The following PRKG1 variants were observed in gnomAD, a reference collection of about 807,000 sequenced individuals.
The protein encoded by PRKG1 is protein kinase cGMP-dependent 1, also known as cGMP-dependent protein kinase 1.
A neutral mutation model predicts 88.1 loss-of-function variants in PRKG1; 35 were observed. The ratio of observed to expected loss-of-function variants is 0.40; its 90% CI spans 0.30 to 0.53. The LOEUF (loss-of-function observed/expected upper bound fraction) is 0.53. Ranked by LOEUF, PRKG1 falls within the 20% of genes least tolerant of loss-of-function variation. The pLI, the probability that PRKG1 is intolerant of heterozygous loss-of-function variation, is 0.59. For missense variants in PRKG1, 540 were observed against 839.8 expected (o/e 0.64, Z 4.41); for synonymous variants, 303 against 292.5 (o/e 1.04, Z -0.37).
Position 52,290,310 on chromosome 10 carries a change from T to A in PRKG1, c.1962+20T>A, listed in dbSNP as rs1296857502. ...CCAAGTGTAAGTAGACTTTCCAGCTTATAATTGTGTGACATAATTGATGGT... is the reference window on the plus strand; with the variant it reads ...CCAAGTGTAAGTAGACTTTCCAGCTAATAATTGTGTGACATAATTGATGGT... On this transcript the variant is annotated intron_variant, in intron 17 of 17. Coordinates refer to ENST00000373980, the MANE Select transcript of PRKG1 (RefSeq NM_006258.4). 6.4e-7 allele frequency: 1 copy of A among 1,573,722 alleles called. No individual in the cohort carries two copies. The highest frequency in any genetic ancestry group is 8.7e-7 in the Non-Finnish European group (1 of 1,147,566).
At chr10:51,583,001 G>T (rs1198767430) in intron 3 of PRKG1, among the ~76,000 whole-genome samples, 1 of 152,032 alleles carries the variant, frequency 6.6e-6, no homozygotes, top group Non-Finnish European at 1.5e-5. Flanking sequence ...GATGTAGCTG[G>T]CAAGACTTAT....
intron 2 of PRKG1, among the ~76,000 whole-genome samples, chr10:51,318,114 A>T (rs1036302928): frequency 7.2e-5 from 11 of 152,138 alleles, no homozygotes; most frequent in Non-Finnish European, 2.9e-5. Context: ...CTCTTTGGAG[A>T]CAGAAATTAC....
chr10:51,740,577 G>A (rs1358339783), intron 3 of PRKG1, among the ~76,000 whole-genome samples: 2 of 152,056 alleles, frequency 1.3e-5, no homozygotes, highest in East Asian at 3.9e-4. Flanking sequence ...TCTTTCTGTT[G>A]TGATATCGTG....
rs937723836 is a variant in PRKG1 at position 51,804,612 on chromosome 10, T to C, written c.620T>C (p.Ile207Thr). The stretch of plus-strand genomic sequence containing the variant: ...CTTGTAAATGTAAAACTCTGGGCCA[T>C]TGATCGACAATGTTTTCAAACAATA... ...KTLVNVKLWA[I>T]DRQCFQTIMM... Residue 207 changes from isoleucine (I) to threonine (T), a missense_variant, in exon 4 of 18, where the codon ATT (isoleucine) becomes ACT (threonine). Coordinates refer to ENST00000373980, the MANE Select transcript of PRKG1 (RefSeq NM_006258.4). 6 of 1,601,346 alleles carry C rather than the reference T, an allele frequency of 3.7e-6. No individual in the cohort carries two copies. In the Admixed American group the frequency reaches 5.0e-5, roughly 13 times the overall value.
rs999214785 is a variant in PRKG1 at position 52,294,190 on chromosome 10, C to G, written c.*290C>G. On this transcript the variant is annotated 3_prime_UTR_variant, in exon 18 of 18. Transcript: ENST00000373980. Reference sequence around the variant, plus strand: ...ATTGTTGCAATGACCTTGCTTTGCTCTGATTATAATTTGAAAGACTGTAGG... The same window carrying G: ...ATTGTTGCAATGACCTTGCTTTGCTGTGATTATAATTTGAAAGACTGTAGG... The G allele has an allele frequency of 1.1e-5, 3 of 282,054 alleles. No homozygotes were observed. The highest frequency in any genetic ancestry group is 6.6e-5 in the African/African-American group (3 of 45,598). 17.5% of individuals were successfully genotyped at this position (282,054 alleles called of 1,614,324 possible). A position where few individuals can be genotyped will look rare whatever the true frequency, so the allele number is the denominator to read the frequency against.
At chr10:51,746,888 T>C (rs372232077) in intron 3 of PRKG1, among the ~76,000 whole-genome samples, 1 of 152,198 alleles carries the variant, frequency 6.6e-6, no homozygotes, top group African/African-American at 2.4e-5. Context: ...CAAAATATTA[T>C]TTTCCAAGTA....
At chr10:51,174,667 CT>C (rs1254280574) in intron 2 of PRKG1, among the ~76,000 whole-genome samples, 1 of 151,954 alleles carries the variant, frequency 6.6e-6, no homozygotes, top group Non-Finnish European at 1.5e-5. Flanking sequence ...TGGTGCACCC[CT>C]GGGTATGGTC....
chr10:51,260,630 C>T (rs1839681709), intron 2 of PRKG1, among the ~76,000 whole-genome samples: 1 of 152,100 alleles, frequency 6.6e-6, no homozygotes, highest in Admixed American at 6.5e-5. Flanking sequence ...CTGAAATGTC[C>T]ATCTCTGCAG....
intron 2 of PRKG1, among the ~76,000 whole-genome samples, chr10:51,413,512 A>G (rs1838158628): frequency 6.6e-6 from 1 of 151,938 alleles, no homozygotes; most frequent in Non-Finnish European, 1.5e-5. Context: ...GGCACACACC[A>G]CCACGCCCAG....
intron 1 of PRKG1, among the ~76,000 whole-genome samples, chr10:50,992,119 G>A (rs997202770): frequency 1.3e-5 from 2 of 152,074 alleles, no homozygotes; most frequent in Admixed American, 6.6e-5. Flanking sequence ...AGGGAGGGGC[G>A]ACTGGAGGCT....
chr10:51,935,423 C>T (rs1159483395), intron 5 of PRKG1, among the ~76,000 whole-genome samples: 3 of 152,044 alleles, frequency 2.0e-5, no homozygotes, highest in Admixed American at 6.6e-5. Context: ...CGATTCAATT[C>T]GGTAAACAGT....
intron 3 of PRKG1, among the ~76,000 whole-genome samples, chr10:51,588,833 TAGG>T (rs764155095): frequency 7.2e-5 from 11 of 152,208 alleles, no homozygotes; most frequent in Non-Finnish European, 1.5e-4. Flanking sequence ...ATCAAAAGGC[TAGG>T]AGATGTATAA....
At chr10:51,579,008 T>TTTTTTTTTTTTTC (rs1837961868) in intron 3 of PRKG1, among the ~76,000 whole-genome samples, 1 of 143,458 alleles carries the variant, frequency 7.0e-6, no homozygotes, top group Admixed American at 7.1e-5. Context: ...TTTTTTTTTT[T>TTTTTTTTTTTTTC]AGACAGAGTC....
intron 7 of PRKG1, among the ~76,000 whole-genome samples, chr10:52,063,409 C>G (rs1022385776): frequency 6.6e-6 from 1 of 152,240 alleles, no homozygotes; most frequent in Non-Finnish European, 1.5e-5. Flanking sequence ...CTGCATAGCC[C>G]CAAAGCGGGA....
At chr10:51,739,706 C>G (rs943546659) in intron 3 of PRKG1, among the ~76,000 whole-genome samples, 5 of 152,190 alleles carry the variant, frequency 3.3e-5, no homozygotes, top group Non-Finnish European at 5.9e-5. Flanking sequence ...GGCGTGGTGG[C>G]TCATGGCTGT....
intron 1 of PRKG1, among the ~76,000 whole-genome samples, chr10:51,039,212 G>T (rs765131464): frequency 6.6e-6 from 1 of 152,072 alleles, no homozygotes; most frequent in African/African-American, 2.4e-5. Flanking sequence ...AGTGTATGAT[G>T]GTTCCCTTTT....
At chr10:51,948,073 A>T (rs991611246) in intron 5 of PRKG1, among the ~76,000 whole-genome samples, 2 of 151,972 alleles carry the variant, frequency 1.3e-5, no homozygotes, top group African/African-American at 4.8e-5. Flanking sequence ...TTTTTTCATT[A>T]TATATTTTTG....
rs79681629 is a variant in PRKG1 at position 51,839,278 on chromosome 10, G to A, written c.698+34588G>A. Among the ~76,000 whole-genome samples the A allele has an allele frequency of 9.0e-3, 1,376 of 152,288 alleles. 23 individuals are homozygous for A. The highest frequency in any genetic ancestry group is 0.031 in the African/African-American group (1,284 of 41,562). On this transcript the variant is annotated intron_variant, in intron 4 of 17. Transcript: ENST00000373980. ...ACCTCCCAGCTCATTTCTGCACTCAGTTTCCTGTTGCTGTACTTTTCAGAG... is the reference window on the plus strand; with the variant it reads ...ACCTCCCAGCTCATTTCTGCACTCAATTTCCTGTTGCTGTACTTTTCAGAG...
At chr10:51,320,054 G>T in intron 2 of PRKG1, 1 of 184,958 alleles carries the variant, frequency 5.4e-6, no homozygotes, top group South Asian at 1.3e-4. Context: ...TAGCCAGATT[G>T]AGGAGCTGCC....
Sources: allele counts gnomAD v4.1 joint callset (sites outside exome capture counted in the v4.1 genomes callset), GRCh38; gene constraint gnomAD v4.1.1; transcripts MANE v1.5; gene names NCBI Gene and HGNC (gene_info 2026-07-23, HGNC 2026-07-21).